Variants in TBX10 observed in about 807,000 individuals in gnomAD.
TBX10 encodes T-box transcription factor TBX10.
TBX10 carries 26 observed loss-of-function variants against 32.4 expected under a neutral mutation model. That is an observed-to-expected ratio of 0.80 (90% CI 0.59 to 1.11). The LOEUF (loss-of-function observed/expected upper bound fraction) is 1.11, where lower values mean the gene tolerates loss of function less well. Ranked by LOEUF, TBX10 falls within the 50% of genes most tolerant of loss-of-function variation. TBX10 has a pLI of 0.00. For synonymous variants in TBX10, 195 were observed against 203.1 expected (o/e 0.96, Z 0.34); for missense variants, 490 against 494.5 (o/e 0.99, Z 0.09).
rs1473204102 is a variant in TBX10, at chr11:67,631,798, T to C, written c.965A>G (p.Tyr322Cys). The change falls in exon 8 of 8, where the codon TAC becomes TGC. Residue 322 changes from tyrosine to cysteine, a missense_variant. Around this residue, in one of 3 missense-constraint regions of TBX10, gnomAD observed 177 missense variants for 176.6 expected, o/e 1.00. Transcript: ENST00000335385. ...CAGGCTCTGATACGTGACAGGCCTG[T>C]AGGTGGCCGGGGCCAGCAGGACCTC... is the stretch of plus-strand genomic sequence containing the variant. ...PPEVLLAPATYRPVTYQSLYS... is the reference protein window; with the variant it reads ...PPEVLLAPATCRPVTYQSLYS... The C allele has an allele frequency of 6.3e-7, 1 of 1,594,776 alleles. No homozygotes were observed. The highest frequency in any genetic ancestry group is 8.5e-7 in the Non-Finnish European group (1 of 1,171,058).
In TBX10 at chr11:67,631,895, C is replaced by G. The variant is rs899406445; in HGVS notation, c.869-1G>C. On this transcript the variant is annotated splice_acceptor_variant, in intron 7 of 7. Coordinates refer to ENST00000335385, the MANE Select transcript of TBX10 (RefSeq NM_005995.5). LOFTEE classifies it high-confidence loss of function. ...GTGGAAGCTGAAGCTTTGTTGGGGTCTGAGGGAGGAAATGAGTGGACTCTG... is the reference window on the plus strand; with the variant it reads ...GTGGAAGCTGAAGCTTTGTTGGGGTGTGAGGGAGGAAATGAGTGGACTCTG... 6.4e-6 allele frequency: 10 copies of G among 1,565,590 alleles called. No homozygotes were observed. Among genetic ancestry groups the G allele is most frequent in the Admixed American group, 1.9e-5 (1 of 51,366 alleles).
chr11:67,634,747 G>A (rs1167031261), intron 3 of TBX10, 69 bp downstream of exon 3: 15 of 1,488,270 alleles, frequency 1.0e-5, no homozygotes, highest in Non-Finnish European at 1.4e-5. Flanking sequence ...ACCTTGGGGT[G>A]CAGGAAGGGT....
Position 67,635,216 on chromosome 11 carries a change from G to A in TBX10, c.55C>T (p.Pro19Ser), listed in dbSNP as rs766130985. The change falls in exon 2 of 8, where the codon CCC becomes TCC. Residue 19 changes from proline (P) to serine (S), a missense_variant. Coordinates refer to ENST00000335385, the MANE Select transcript of TBX10 (RefSeq NM_005995.5). Reference protein sequence around the residue: ...LGILAPSETYPLPTTSSGWEP... With the variant: ...LGILAPSETYSLPTTSSGWEP... ...CAGCCAGAGCTGGTTGTAGGTAGGGGGTAGGTCTCTGAGGGTGCAAGTATG... is the reference window on the plus strand; with the variant it reads ...CAGCCAGAGCTGGTTGTAGGTAGGGAGTAGGTCTCTGAGGGTGCAAGTATG... 2 of 1,613,680 alleles carry A rather than the reference G, an allele frequency of 1.2e-6. No homozygotes were observed. Among genetic ancestry groups the A allele is most frequent in the South Asian group, 1.1e-5 (1 of 91,096 alleles).
At chr11:67,636,517 A>ATTTC (rs1565234982) in intron 1 of TBX10, among the ~76,000 whole-genome samples, 3 of 87,544 alleles carry the variant, frequency 3.4e-5, no homozygotes, top group African/African-American at 8.5e-5. Context: ...TTATTTATTT[A>ATTTC]TTTATTTTTT....
chr11:67,639,129 C>T (rs1296458986), intron 1 of TBX10, among the ~76,000 whole-genome samples: 6 of 152,188 alleles, frequency 3.9e-5, no homozygotes, highest in South Asian at 2.1e-4. Flanking sequence ...CCAGAAGCAT[C>T]GAGTGTCAAG....
intron 6 of TBX10, 84 bp from the exon 7 acceptor site, chr11:67,632,496 C>A (rs538085995): frequency 1.1e-4 from 171 of 1,587,184 alleles, no homozygotes; most frequent in South Asian, 5.8e-4. Context: ...GATGGTGGGG[C>A]CCCAGGATGG....
Position 67,635,143 on chromosome 11 carries a change from G to A in TBX10, c.128C>T (p.Ser43Phe). 1 of 1,613,862 alleles carries A rather than the reference G, an allele frequency of 6.2e-7. No individual in the cohort carries two copies. Among genetic ancestry groups the A allele is most frequent in the Non-Finnish European group, 8.5e-7 (1 of 1,180,042 alleles). ...CTCGGCCACAGCTTGGGCCCCAGTA[G>A]AGCTGGTGCAAGGGCCTGATGGGAA... ...SPFPSGPCTS[S>F]TGAQAVAEPT... Residue 43 changes from serine to phenylalanine, a missense_variant, in exon 2 of 8, where the codon TCT becomes TTT. Ser to Phe is a radical substitution (Grantham distance 155). Transcript: ENST00000335385.
At position 67,633,026 on chromosome 11, in the gene TBX10, G is replaced by A; in HGVS notation, c.627C>T (p.Arg209=). The A allele has an allele frequency of 1.2e-6, 2 of 1,614,204 alleles. No individual in the cohort carries two copies. Among genetic ancestry groups the A allele is most frequent in the Non-Finnish European group, 1.7e-6 (2 of 1,180,006 alleles). Residue 209 remains arginine, a synonymous_variant, in exon 5 of 8, where the codon CGC becomes CGT. Coordinates refer to ENST00000335385, the MANE Select transcript of TBX10 (RefSeq NM_005995.5). ...VFVDPRKDSE[R]YAQENFKSFI... ...AGGACTTGAAGTTCTCCTGGGCATA[G>A]CGCTCACTGTCCTTGCGTGGGTCCA... is the stretch of plus-strand genomic sequence containing the variant.
intron 5 of TBX10, 131 bp from the exon 6 acceptor site, chr11:67,632,801 T>C (rs1591123347): frequency 1.9e-6 from 3 of 1,542,822 alleles, no homozygotes; most frequent in South Asian, 2.2e-5. Flanking sequence ...CTGATAGGAG[T>C]GCGGGCAGGG....
intron 1 of TBX10, among the ~76,000 whole-genome samples, chr11:67,635,985 C>T (rs868376214): frequency 6.6e-6 from 1 of 151,634 alleles, no homozygotes; most frequent in Non-Finnish European, 1.5e-5. Context: ...AATAAGATAC[C>T]ATTTTATACC....
intron 1 of TBX10, 134 bp downstream of exon 1, chr11:67,639,332 C>T (rs1377139492): frequency 1.5e-6 from 2 of 1,303,458 alleles, no homozygotes; most frequent in African/African-American, 2.9e-5. Flanking sequence ...CAGACCTTAG[C>T]CTGGGGTGCC....
Position 67,635,269 on chromosome 11 carries a change from G to C in TBX10, c.8-6C>G. On this transcript the variant is annotated splice_polypyrimidine_tract_variant and splice_region_variant and intron_variant, in intron 1 of 7. Coordinates refer to ENST00000335385, the MANE Select transcript of TBX10 (RefSeq NM_005995.5). ...GAGGCCAGCAGATAGGAAGGCTGTG[G>C]AGAGAGGACGGAAGTGTGGGCCCCA... 1 of 1,613,182 alleles carries C rather than the reference G, an allele frequency of 6.2e-7. No individual in the cohort carries two copies. The highest frequency in any genetic ancestry group is 8.5e-7 in the Non-Finnish European group (1 of 1,180,008).
chr11:67,639,541 A>C lies in TBX10; in HGVS notation c.-69T>G. On this transcript the variant is annotated 5_prime_UTR_variant, in exon 1 of 8. Transcript: ENST00000335385. ...CTGGGGCTGGGAACCTGCCTGCTGG[A>C]AGGGGTGGTCACCACTCGTCCACTC... 6.2e-7 allele frequency: 1 copy of C among 1,607,468 alleles called. No homozygotes were observed. The highest frequency in any genetic ancestry group is 2.2e-5 in the East Asian group (1 of 44,706).
chr11:67,641,294 C>T (rs369751141), upstream of TBX10, among the ~76,000 whole-genome samples: 17 of 152,114 alleles, frequency 1.1e-4, no homozygotes, highest in African/African-American at 3.4e-4. Flanking sequence ...CACACACACA[C>T]GAGCACACTG....
chr11:67,631,620 G>A lies in TBX10; in HGVS notation c.1143C>T (p.Gly381=), dbSNP rs1016503224. The change falls in exon 8 of 8, where the codon GGC becomes GGT. Residue 381 remains glycine, a synonymous_variant. Coordinates refer to ENST00000335385, the MANE Select transcript of TBX10 (RefSeq NM_005995.5). ...GCTTCTGGCATCACTGGGAGTCCTG[G>A]CCAGGCCCCAGGCACACCACAGTGG... The part of the protein sequence containing the change: ...LSPTVVCLGP[G]QDSQ 93 of 1,598,708 alleles carry A rather than the reference G, an allele frequency of 5.8e-5. 1 individual carries two copies. The highest frequency in any genetic ancestry group is 7.7e-5 in the Non-Finnish European group (91 of 1,176,536).
Position 67,634,337 on chromosome 11 carries a change from C to G in TBX10, c.401G>C (p.Trp134Ser), listed in dbSNP as rs757652441. ...TGGGTCTGCCTTGCCCGCCACCAGC[C>G]AGGCCGAGCTGTGGAAGGCATACCT... ...RYRYAFHSSA[W>S]LVAGKADPAT... is the part of the protein sequence containing the mutation. The change falls in exon 4 of 8, where the codon TGG (tryptophan) becomes TCG (serine). Residue 134 changes from tryptophan (W) to serine (S), a missense_variant. This residue lies in a region of TBX10 where 307 missense variants were observed against 294.9 expected (regional missense o/e 1.04). Coordinates refer to ENST00000335385, the MANE Select transcript of TBX10 (RefSeq NM_005995.5). The G allele has an allele frequency of 1.3e-4, 210 of 1,605,196 alleles. No individual in the cohort carries two copies. The highest frequency in any genetic ancestry group is 1.7e-4 in the Non-Finnish European group (200 of 1,179,828).
At position 67,635,274 on chromosome 11, in the gene TBX10, A is replaced by G. The variant is rs1161643063; in HGVS notation, c.8-11T>C. ...CAGCAGATAGGAAGGCTGTGGAGAGAGGACGGAAGTGTGGGCCCCACGCAT... is the reference window on the plus strand; with the variant it reads ...CAGCAGATAGGAAGGCTGTGGAGAGGGGACGGAAGTGTGGGCCCCACGCAT... On this transcript the variant is annotated splice_polypyrimidine_tract_variant and intron_variant, in intron 1 of 7. Transcript: ENST00000335385. The G allele has an allele frequency of 6.2e-7, 1 of 1,612,916 alleles. No individual in the cohort carries two copies. The highest frequency in any genetic ancestry group is 1.7e-5 in the Admixed American group (1 of 60,012).
At chr11:67,636,521 A>AT (rs900182567) in intron 1 of TBX10, among the ~76,000 whole-genome samples, 4 of 67,354 alleles carry the variant, frequency 5.9e-5, no homozygotes, top group African/African-American at 9.2e-5. Flanking sequence ...TTATTTATTT[A>AT]TTTTTTTCCA....
At position 67,635,019 on chromosome 11, in the gene TBX10, C is replaced by T; in HGVS notation, c.252G>A (p.Glu84=). The part of the protein sequence containing the change: ...LWEEFNQLGT[E]MIVTKAGRRM... ...ACCTGCCTGCCTTGGTGACGATCATCTCAGTGCCCAGCTGGTTGAATTCCT... is the reference window on the plus strand; with the variant it reads ...ACCTGCCTGCCTTGGTGACGATCATTTCAGTGCCCAGCTGGTTGAATTCCT... The change falls in exon 2 of 8, where the codon GAG becomes GAA. Residue 84 remains glutamate, a synonymous_variant. Coordinates refer to ENST00000335385, the MANE Select transcript of TBX10 (RefSeq NM_005995.5). 1.2e-6 allele frequency: 2 copies of T among 1,613,706 alleles called. No homozygotes were observed. Among genetic ancestry groups the T allele is most frequent in the South Asian group, 1.1e-5 (1 of 91,090 alleles).
Sources: allele counts gnomAD v4.1 joint callset (sites outside exome capture counted in the v4.1 genomes callset), GRCh38; gene constraint gnomAD v4.1.1; regional missense constraint gnomAD v4.1.1; transcripts MANE v1.5; gene names NCBI Gene and HGNC (gene_info 2026-07-23, HGNC 2026-07-21).